NUP133: variants seen among roughly 807,000 people sequenced by gnomAD.
NUP133 encodes nuclear pore complex protein Nup133.
A neutral mutation model predicts 146.2 loss-of-function variants in NUP133; 66 were observed. The ratio of observed to expected loss-of-function variants is 0.45; its 90% CI spans 0.37 to 0.55. NUP133 has a LOEUF of 0.55. NUP133 is among the 20% of genes least tolerant of loss of function. The pLI, the probability that NUP133 is intolerant of heterozygous loss-of-function variation, is 0.00. For synonymous variants in NUP133, 521 were observed against 498.8 expected, an observed-to-expected ratio of 1.04 and a Z score of -0.59; for missense variants, 1,277 against 1,374.8, an observed-to-expected ratio of 0.93 and a Z score of 1.12.
At chr1:229,470,559 A>G (rs1397324826) in intron 15 of NUP133, 21 bp downstream of exon 15, 2 of 1,589,190 alleles carry the variant, frequency 1.3e-6, no homozygotes, top group Non-Finnish European at 1.7e-6. Context: ...ACAAAGCCAC[A>G]TGAAAGAGGA....
chr1:229,499,693 T>A lies in NUP133; in HGVS notation c.639A>T (p.Thr213=). 1 of 1,613,614 alleles carries A rather than the reference T, an allele frequency of 6.2e-7. No individual in the cohort carries two copies. Among genetic ancestry groups the A allele is most frequent in the Non-Finnish European group, 8.5e-7 (1 of 1,179,720 alleles). Residue 213 remains threonine, a synonymous_variant, in exon 5 of 26, where the codon ACA becomes ACT. Transcript: ENST00000261396. ...AATATCCGTGGTATACCTGCACTGCTGTTAGGAAACTGTAAGTCTTATCAC... is the reference window on the plus strand; with the variant it reads ...AATATCCGTGGTATACCTGCACTGCAGTTAGGAAACTGTAAGTCTTATCAC... The part of the protein sequence containing the change: ...SGGDKTYSFL[T]AVQGGSFILS...
chr1:229,449,875 T>TATATATATA (rs1558088585), intron 23 of NUP133, among the ~76,000 whole-genome samples: 2,304 of 63,992 alleles, frequency 0.036, 67 homozygotes, highest in East Asian at 0.15. Flanking sequence ...ATATATATAT[T>TATATATATA]TTTTTTTTTT....
At chr1:229,478,640 A>G (rs142408450) in intron 12 of NUP133, among the ~76,000 whole-genome samples, 186 of 152,312 alleles carry the variant, frequency 1.2e-3, no homozygotes, top group African/African-American at 4.2e-3. Flanking sequence ...AGACTCTTCT[A>G]ACTTAGAGAG....
intron 9 of NUP133, among the ~76,000 whole-genome samples, chr1:229,489,677 C>A (rs1661459545): frequency 6.6e-6 from 1 of 152,188 alleles, no homozygotes; most frequent in Admixed American, 6.5e-5. Context: ...TTGAGACCAG[C>A]CTGGCCAACA....
intron 12 of NUP133, among the ~76,000 whole-genome samples, chr1:229,483,437 G>A (rs993738479): frequency 2.0e-5 from 3 of 151,864 alleles, no homozygotes; most frequent in African/African-American, 2.4e-5. Context: ...CTTTGCATGC[G>A]GCTGGAAGTG....
chr1:229,447,394 T>C (rs1660324148), intron 24 of NUP133, among the ~76,000 whole-genome samples: 1 of 152,126 alleles, frequency 6.6e-6, no homozygotes, highest in South Asian at 2.1e-4. Flanking sequence ...TACTGTGAAA[T>C]ATGTATTTGG....
Position 229,484,045 on chromosome 1 carries a change from A to T in NUP133, c.1592+9T>A, listed in dbSNP as rs929468158. ...TAAAATAATCCATAATTTAAAAAAC[A>T]TGTTATACCTGCAGTATTGCAGAAA... On this transcript the variant is annotated intron_variant, in intron 12 of 25. Coordinates refer to ENST00000261396, the MANE Select transcript of NUP133 (RefSeq NM_018230.3). 6.3e-7 allele frequency: 1 copy of T among 1,577,596 alleles called. No homozygotes were observed. Among genetic ancestry groups the T allele is most frequent in the Non-Finnish European group, 8.7e-7 (1 of 1,149,570 alleles).
chr1:229,457,957 T>G (rs541820633), intron 21 of NUP133, among the ~76,000 whole-genome samples: 7 of 152,356 alleles, frequency 4.6e-5, no homozygotes, highest in African/African-American at 1.7e-4. Flanking sequence ...TTAGGAATTC[T>G]TATTTAAAAT....
At chr1:229,468,309 C>A (rs994163226) in intron 15 of NUP133, among the ~76,000 whole-genome samples, 1 of 152,128 alleles carries the variant, frequency 6.6e-6, no homozygotes, top group Non-Finnish European at 1.5e-5. Flanking sequence ...CTTGTCACCC[C>A]CAAGTGGAAG....
At position 229,450,575 on chromosome 1, in the gene NUP133, T is replaced by A. The variant is rs1441085881; in HGVS notation, c.3130A>T (p.Asn1044Tyr). ...AAAGCTTTCTTGAAATCATATTCATTAGCTCTTCTATTTTCTTCACAGATA... is the reference window on the plus strand; with the variant it reads ...AAAGCTTTCTTGAAATCATATTCATAAGCTCTTCTATTTTCTTCACAGATA... ...LYICEENRRA[N>Y]EYDFKKALDL... The change falls in exon 23 of 26, where the codon AAT (asparagine) becomes TAT (tyrosine). Residue 1044 changes from asparagine (N) to tyrosine (Y), a missense_variant. By Grantham distance (143) the Asn-to-Tyr change is moderately radical (BLOSUM62 -2). This residue lies in a region of NUP133 where 952 missense variants were observed against 1,047.0 expected (regional missense o/e 0.91). Coordinates refer to ENST00000261396, the MANE Select transcript of NUP133 (RefSeq NM_018230.3). 1.3e-6 allele frequency: 2 copies of A among 1,582,474 alleles called. No homozygotes were observed. The highest frequency in any genetic ancestry group is 1.7e-5 in the Admixed American group (1 of 58,010).
rs1661109626 is a variant in NUP133 at position 229,477,631 on chromosome 1, T to C, written c.1722A>G (p.Ala574=). 2 of 1,613,732 alleles carry C rather than the reference T, an allele frequency of 1.2e-6. No individual in the cohort carries two copies. Among genetic ancestry groups the C allele is most frequent in the African/African-American group, 2.7e-5 (2 of 74,898 alleles). The change falls in exon 13 of 26, where the codon GCA becomes GCG. Residue 574 remains alanine, a synonymous_variant. Coordinates refer to ENST00000261396, the MANE Select transcript of NUP133 (RefSeq NM_018230.3). Reference sequence around the variant, plus strand: ...CAGACTCAGCCCACCGTGGGTCAGATGCTGGGTAGTCATCCATCAGGTCTA... The same window carrying C: ...CAGACTCAGCCCACCGTGGGTCAGACGCTGGGTAGTCATCCATCAGGTCTA... ...ISVDLMDDYP[A]SDPRWAESVP...
At chr1:229,472,196 G>GGGCT (rs1331449209) in intron 14 of NUP133, among the ~76,000 whole-genome samples, 1 of 152,040 alleles carries the variant, frequency 6.6e-6, no homozygotes. Context: ...GCAGGCGCCT[G>GGGCT]TAGTCCCAGC....
At chr1:229,455,036 C>T (rs983925755) in intron 21 of NUP133, among the ~76,000 whole-genome samples, 2 of 152,146 alleles carry the variant, frequency 1.3e-5, no homozygotes, top group African/African-American at 4.8e-5. Context: ...GGCGAAGGAG[C>T]ATAAATTAAC....
intron 8 of NUP133, among the ~76,000 whole-genome samples, chr1:229,494,129 C>CA (rs201446440): frequency 0.018 from 2,643 of 146,826 alleles, 81 homozygotes; most frequent in African/African-American, 0.061. Flanking sequence ...GACTCAGTCT[C>CA]AAAAAAAAAT....
chr1:229,490,505 T>C (rs1661482942), intron 8 of NUP133, among the ~76,000 whole-genome samples: 1 of 151,924 alleles, frequency 6.6e-6, no homozygotes. Flanking sequence ...TTCTATGACA[T>C]TAAGCAAAAG....
chr1:229,487,713 TCAC>T, intron 9 of NUP133, 100 bp from the exon 10 acceptor site: 1 of 904,030 alleles, frequency 1.1e-6, no homozygotes, highest in Non-Finnish European at 1.6e-6. Flanking sequence ...TAAAAATATT[TCAC>T]CAATTCTCTT....
At chr1:229,475,513 G>C in intron 14 of NUP133, 125 bp downstream of exon 14, 1 of 634,712 alleles carries the variant, frequency 1.6e-6, no homozygotes, top group Non-Finnish European at 2.8e-6. Flanking sequence ...AATCAGCAGA[G>C]ACAATGGAAA....
Position 229,500,878 on chromosome 1 carries a change from CA to C in NUP133, c.406-16del. The C allele has an allele frequency of 6.5e-7, 1 of 1,545,010 alleles. No individual in the cohort carries two copies. Among genetic ancestry groups the C allele is most frequent in the African/African-American group, 1.4e-5 (1 of 73,276 alleles). On this transcript the variant is annotated splice_polypyrimidine_tract_variant and intron_variant, in intron 3 of 25. Coordinates refer to ENST00000261396, the MANE Select transcript of NUP133 (RefSeq NM_018230.3). The stretch of plus-strand genomic sequence containing the variant: ...CAAACGGATAACTGTAGAACAAACC[CA>C]AACAGAAAATCTTTCACATCAAATC...
chr1:229,486,306 C>T (rs1031528273), intron 11 of NUP133, 65 bp downstream of exon 11: 5 of 1,403,850 alleles, frequency 3.6e-6, no homozygotes, highest in African/African-American at 1.9e-5. Flanking sequence ...TGGGTGACAG[C>T]GTGAGACACT....
Sources: allele counts gnomAD v4.1 joint callset (sites outside exome capture counted in the v4.1 genomes callset), GRCh38; gene constraint gnomAD v4.1.1; regional missense constraint gnomAD v4.1.1; transcripts MANE v1.5; gene names NCBI Gene and HGNC (gene_info 2026-07-23, HGNC 2026-07-21).